The following SEC61A2 variants were observed in gnomAD, a reference collection of about 807,000 sequenced individuals.
SEC61A2 encodes SEC61 translocon subunit alpha 2.
Under a neutral mutation model 59.9 loss-of-function variants are expected in SEC61A2, and 28 were observed. The observed-to-expected ratio is 0.47, with a 90% CI of 0.35 to 0.64. The LOEUF (loss-of-function observed/expected upper bound fraction) is 0.64. Among genes scored for constraint, SEC61A2 ranks in the 30% least tolerant of loss-of-function variants. The pLI, the probability that SEC61A2 is intolerant of heterozygous loss-of-function variation, is 0.01. For missense variants in SEC61A2, 340 were observed against 585.9 expected, an observed-to-expected ratio of 0.58 and a Z score of 4.33; for synonymous variants, 202 against 214.4, an observed-to-expected ratio of 0.94 and a Z score of 0.50.
chr10:12,149,308 C>G lies in SEC61A2; in HGVS notation c.221-287C>G, dbSNP rs7077434. On this transcript the variant is annotated intron_variant, in intron 4 of 11. Coordinates refer to ENST00000298428, the MANE Select transcript of SEC61A2 (RefSeq NM_018144.4). This position sits in a 1 kb window ranked among gnomAD's most constrained non-coding sequence, Gnocchi z 5.2. ...TTTCTCCATGTTGTCCCGTTGGTCTCGAACTTCTGACCTCAGGTGATCCAC... is the reference window on the plus strand; with the variant it reads ...TTTCTCCATGTTGTCCCGTTGGTCTGGAACTTCTGACCTCAGGTGATCCAC... Among the ~76,000 whole-genome samples, 1 of 151,674 alleles carries G rather than the reference C, an allele frequency of 6.6e-6. No individual in the cohort carries two copies. The highest frequency in any genetic ancestry group is 2.4e-5 in the African/African-American group (1 of 41,258).
rs375017319 is a variant in SEC61A2, at chr10:12,153,734, C to T, written c.463-2044C>T. ...GGGCAGTGACCCATTGGTGTCTTTT[C>T]AAGGCGTTACTAACATTGAAAATAT... On this transcript the variant is annotated intron_variant, in intron 6 of 11. Coordinates refer to ENST00000298428, the MANE Select transcript of SEC61A2 (RefSeq NM_018144.4). This position sits in a 1 kb window ranked among gnomAD's most constrained non-coding sequence, Gnocchi z 5.2. 9.9e-6 allele frequency: 16 copies of T among 1,610,964 alleles called. No individual in the cohort carries two copies. The highest frequency in any genetic ancestry group is 1.6e-4 in the Middle Eastern group (1 of 6,082).
At chr10:12,157,797 G>C (rs569229464) in intron 8 of SEC61A2, 111 bp from the exon 9 acceptor site, 3 of 999,508 alleles carry the variant, frequency 3.0e-6, no homozygotes, top group Non-Finnish European at 4.5e-6. Context: ...CCCTGTGCCC[G>C]GCCGGCATTG....
At position 12,149,346 on chromosome 10, in the gene SEC61A2, C is replaced by T. The variant is rs1056729357; in HGVS notation, c.221-249C>T. Among the ~76,000 whole-genome samples, 7 of 152,188 alleles carry T rather than the reference C, an allele frequency of 4.6e-5. No homozygotes were observed. The highest frequency in any genetic ancestry group is 8.8e-5 in the Non-Finnish European group (6 of 68,042). On this transcript the variant is annotated intron_variant, in intron 4 of 11. Transcript: ENST00000298428. This position sits in a 1 kb window ranked among gnomAD's most constrained non-coding sequence, Gnocchi z 5.2. Reference sequence around the variant, plus strand: ...TCAGGTGATCCACACACCTCGGCCTCCCAAAGTGTGGGGACTGCAGGCGTG... The same window carrying T: ...TCAGGTGATCCACACACCTCGGCCTTCCAAAGTGTGGGGACTGCAGGCGTG...
At position 12,149,456 on chromosome 10, in the gene SEC61A2, T is replaced by C; in HGVS notation, c.221-139T>C. The C allele has an allele frequency of 2.6e-6, 2 of 756,562 alleles. No homozygotes were observed. Among genetic ancestry groups the C allele is most frequent in the Non-Finnish European group, 2.2e-6 (1 of 458,376 alleles). The allele number at this position is 756,562 out of a possible 1,614,324, so 46.9% of individuals were successfully genotyped here. ...ATAAATGAGAACTTTTCTTAGCAAG[T>C]AGTGTTTAAGAAATGAAAATTTGCT... On this transcript the variant is annotated intron_variant, in intron 4 of 11. Transcript: ENST00000298428. The surrounding 1 kb of genome is among the most constrained non-coding windows in gnomAD (Gnocchi z 5.2).
intron 6 of SEC61A2, among the ~76,000 whole-genome samples, 180 bp downstream of exon 6, chr10:12,150,141 C>T (rs965166841): frequency 2.6e-5 from 4 of 152,148 alleles, no homozygotes; most frequent in Non-Finnish European, 4.4e-5. Context: ...GTCACCGTGA[C>T]GTGTTCAAGT....
At chr10:12,148,003 C>T (rs533971738) in intron 4 of SEC61A2, among the ~76,000 whole-genome samples, 5 of 151,192 alleles carry the variant, frequency 3.3e-5, no homozygotes, top group East Asian at 2.0e-4. Context: ...TGCAGTGGCA[C>T]GATCTCGGCT....
chr10:12,164,607 T>C lies in SEC61A2; in HGVS notation c.*153T>C. The stretch of plus-strand genomic sequence containing the variant: ...TTTCTGAAATGGGCACCGAGCTAAG[T>C]CTGTGTGCAGCATTAGTACCCGCTG... On this transcript the variant is annotated 3_prime_UTR_variant, in exon 12 of 12. Transcript: ENST00000298428. The surrounding 1 kb of genome is among the most constrained non-coding windows in gnomAD (Gnocchi z 7.3). 2.1e-6 allele frequency: 3 copies of C among 1,440,180 alleles called. No homozygotes were observed. Among genetic ancestry groups the C allele is most frequent in the Non-Finnish European group, 2.7e-6 (3 of 1,102,832 alleles). The allele number at this position is 1,440,180 out of a possible 1,614,324, so 89.2% of individuals were successfully genotyped here.
chr10:12,169,208 C>T (rs1834789758), downstream of SEC61A2: 6 of 1,254,566 alleles, frequency 4.8e-6, no homozygotes, highest in Non-Finnish European at 6.8e-6. The surrounding 1 kb of genome is among the most constrained non-coding windows in gnomAD (Gnocchi z 4.8). Flanking sequence ...CCATAGTAGC[C>T]CTCTCTCCAC....
At chr10:12,134,259 A>G (rs543355579) in intron 2 of SEC61A2, among the ~76,000 whole-genome samples, 295 of 152,300 alleles carry the variant, frequency 1.9e-3, no homozygotes, top group Non-Finnish European at 2.6e-3. Flanking sequence ...TGCCCGCCTC[A>G]GCCTCCCAAA....
rs976129264 is a variant in SEC61A2, at chr10:12,145,726, C to T, written c.220+2531C>T. ...ACGCTCGTGTGTGAGATGTGCCTCT[C>T]TCCAGCCTTGTTAGGATGTTGGAAC... On this transcript the variant is annotated intron_variant, in intron 4 of 11. Coordinates refer to ENST00000298428, the MANE Select transcript of SEC61A2 (RefSeq NM_018144.4). The surrounding 1 kb of genome is among the most constrained non-coding windows in gnomAD (Gnocchi z 4.4). Among the ~76,000 whole-genome samples the T allele has an allele frequency of 2.3e-4, 35 of 152,326 alleles. No homozygotes were observed. Among genetic ancestry groups the T allele is most frequent in the Middle Eastern group, 3.4e-3 (1 of 294 alleles).
downstream of SEC61A2, chr10:12,166,525 G>C: frequency 3.4e-6 from 1 of 296,724 alleles, no homozygotes; most frequent in South Asian, 2.9e-5. Flanking sequence ...AATATCCTGG[G>C]CTCAGACAGT....
Position 12,149,938 on chromosome 10 carries a change from A to G in SEC61A2, c.439A>G (p.Ile147Val). Residue 147 changes from isoleucine (I) to valine (V), a missense_variant, in exon 6 of 12, where the codon ATC becomes GTC. Physicochemically the swap from Ile to Val is conservative, Grantham distance 29 (BLOSUM62 3). Transcript: ENST00000298428. This position sits in a 1 kb window ranked among gnomAD's most constrained non-coding sequence, Gnocchi z 5.2. ...GGACCCTGCAGAAATGGGTGCCGGAATCTGTCTCCTGATCATCATTCAGGT... is the reference window on the plus strand; with the variant it reads ...GGACCCTGCAGAAATGGGTGCCGGAGTCTGTCTCCTGATCATCATTCAGGT... Reference protein sequence around the residue: ...YGDPAEMGAGICLLIIIQLFV... With the variant: ...YGDPAEMGAGVCLLIIIQLFV... 1.9e-6 allele frequency: 3 copies of G among 1,611,418 alleles called. No individual in the cohort carries two copies. The highest frequency in any genetic ancestry group is 2.5e-6 in the Non-Finnish European group (3 of 1,177,514).
chr10:12,162,167 G>C lies in SEC61A2; in HGVS notation c.1168-46G>C, dbSNP rs917902246. On this transcript the variant is annotated intron_variant, in intron 10 of 11. Transcript: ENST00000298428. The surrounding 1 kb of genome is among the most constrained non-coding windows in gnomAD (Gnocchi z 6.1). ...GCATAGAACGTGGTAGATGTAAGCA[G>C]TGAAATGTTCCAGTTGGATTTTGAA... The C allele has an allele frequency of 6.7e-7, 1 of 1,495,888 alleles. No individual in the cohort carries two copies. The highest frequency in any genetic ancestry group is 1.4e-5 in the African/African-American group (1 of 72,596). 92.7% of individuals were successfully genotyped at this position (1,495,888 alleles called of 1,614,324 possible).
downstream of SEC61A2, chr10:12,168,003 G>A: frequency 9.2e-7 from 1 of 1,084,710 alleles, no homozygotes; most frequent in South Asian, 1.9e-5. The surrounding 1 kb of genome is among the most constrained non-coding windows in gnomAD (Gnocchi z 4.8). Context: ...TTCCTAGCAT[G>A]AGACAAGAAC....
chr10:12,135,819 G>A (rs943058194), intron 2 of SEC61A2, among the ~76,000 whole-genome samples: 2 of 152,108 alleles, frequency 1.3e-5, no homozygotes, highest in Non-Finnish European at 2.9e-5. Context: ...TGGCTCAGAA[G>A]TATTTCATTA....
chr10:12,136,820 G>T (rs946888926), intron 3 of SEC61A2, among the ~76,000 whole-genome samples: 1 of 151,838 alleles, frequency 6.6e-6, no homozygotes, highest in African/African-American at 2.4e-5. Flanking sequence ...AGTAGAGATG[G>T]GGTTTCACTA....
intron 4 of SEC61A2, among the ~76,000 whole-genome samples, chr10:12,148,277 C>T (rs1470265861): frequency 1.6e-5 from 2 of 126,902 alleles, no homozygotes; most frequent in Non-Finnish European, 3.2e-5. Context: ...CAGAATTTCG[C>T]TCTTGTTGCC....
Position 12,162,150 on chromosome 10 carries a change from C to A in SEC61A2, c.1168-63C>A. Reference sequence around the variant, plus strand: ...TGTGTGGCGAGCACTTCGCATAGAACGTGGTAGATGTAAGCAGTGAAATGT... The same window carrying A: ...TGTGTGGCGAGCACTTCGCATAGAAAGTGGTAGATGTAAGCAGTGAAATGT... On this transcript the variant is annotated intron_variant, in intron 10 of 11. Coordinates refer to ENST00000298428, the MANE Select transcript of SEC61A2 (RefSeq NM_018144.4). The surrounding 1 kb of genome is among the most constrained non-coding windows in gnomAD (Gnocchi z 6.1). 3 of 1,281,804 alleles carry A rather than the reference C, an allele frequency of 2.3e-6. No individual in the cohort carries two copies. Among genetic ancestry groups the A allele is most frequent in the Non-Finnish European group, 3.4e-6 (3 of 880,494 alleles). 79.4% of individuals were successfully genotyped at this position (1,281,804 alleles called of 1,614,324 possible). A position where few individuals can be genotyped will look rare whatever the true frequency, so the allele number is the denominator to read the frequency against.
intron 2 of SEC61A2, among the ~76,000 whole-genome samples, chr10:12,135,449 A>G (rs1833862924): frequency 6.6e-6 from 1 of 152,242 alleles, no homozygotes; most frequent in Non-Finnish European, 1.5e-5. Flanking sequence ...AATTTTTTAG[A>G]ACATATTTCT....
Sources: allele counts gnomAD v4.1 joint callset (sites outside exome capture counted in the v4.1 genomes callset), GRCh38; gene constraint gnomAD v4.1.1; non-coding constraint Gnocchi (gnomAD v3.1); transcripts MANE v1.5; gene names NCBI Gene and HGNC (gene_info 2026-07-23, HGNC 2026-07-21).